CNTNAP2: variants seen among roughly 807,000 people sequenced by gnomAD.
CNTNAP2 encodes the protein contactin associated protein 2, also known as contactin-associated protein-like 2.
In CNTNAP2, 98 loss-of-function variants were observed where a neutral mutation model predicts 155.2. That is an observed-to-expected ratio of 0.63 (90% confidence interval 0.54 to 0.75). The LOEUF (loss-of-function observed/expected upper bound fraction) is 0.75. CNTNAP2 is among the 30% of genes least tolerant of loss of function. CNTNAP2 has a pLI of 0.00. For synonymous variants in CNTNAP2, 651 were observed against 631.2 expected (o/e 1.03, Z -0.47); for missense variants, 1,727 against 1,688.1 (o/e 1.02, Z -0.40).
chr7:147,223,263 A>G (rs141865845), intron 8 of CNTNAP2, among the ~76,000 whole-genome samples: 2 of 152,306 alleles, frequency 1.3e-5, no homozygotes, highest in East Asian at 3.9e-4. Flanking sequence ...AGGACTCTAA[A>G]CATTTCCACC....
intron 8 of CNTNAP2, among the ~76,000 whole-genome samples, chr7:147,258,671 C>T (rs775169838): frequency 2.0e-5 from 3 of 152,146 alleles, no homozygotes; most frequent in Non-Finnish European, 2.9e-5. Flanking sequence ...TGCAAATGAA[C>T]ATCGAGATGA....
chr7:147,912,242 T>C (rs952136278), intron 14 of CNTNAP2, among the ~76,000 whole-genome samples: 9 of 152,158 alleles, frequency 5.9e-5, no homozygotes, highest in Non-Finnish European at 8.8e-5. Flanking sequence ...CACTAGTAAA[T>C]GCTCAAGAAA....
At chr7:147,641,086 A>C (rs1338444101) in intron 13 of CNTNAP2, among the ~76,000 whole-genome samples, 1 of 152,244 alleles carries the variant, frequency 6.6e-6, no homozygotes, top group Non-Finnish European at 1.5e-5. Context: ...CCCAGTTTCT[A>C]ATGGCCGGTA....
intron 3 of CNTNAP2, among the ~76,000 whole-genome samples, chr7:146,909,003 C>A (rs1345354452): frequency 6.7e-6 from 1 of 150,214 alleles, no homozygotes; most frequent in East Asian, 2.0e-4. Flanking sequence ...TACAAACTAC[C>A]ATCAGAGAAT....
At chr7:146,585,740 AAAAG>A (rs1218957829) in intron 1 of CNTNAP2, among the ~76,000 whole-genome samples, 1 of 138,548 alleles carries the variant, frequency 7.2e-6, no homozygotes, top group Non-Finnish European at 1.6e-5. Flanking sequence ...GAAAGAAAGA[AAAAG>A]AAAGAAGGAA....
chr7:148,131,084 CTTCTTTTTTTTTTTTT>C (rs1804822075), intron 16 of CNTNAP2, among the ~76,000 whole-genome samples: 1 of 124,944 alleles, frequency 8.0e-6, no homozygotes, highest in Non-Finnish European at 1.7e-5. Context: ...CTCTTTTCTT[CTTCTTTTTTTTTTTTT>C]TTTTTTTTTT....
chr7:147,056,212 T>A (rs111863142), intron 4 of CNTNAP2, among the ~76,000 whole-genome samples: 2 of 152,194 alleles, frequency 1.3e-5, no homozygotes, highest in Non-Finnish European at 2.9e-5. Context: ...TTCCCTGTTA[T>A]AAAAATTATT....
chr7:146,468,210 C>T (rs1216196889), intron 1 of CNTNAP2, among the ~76,000 whole-genome samples: 4 of 151,900 alleles, frequency 2.6e-5, no homozygotes, highest in African/African-American at 4.8e-5. Flanking sequence ...TGATAAAGAC[C>T]GTGATCCCCC....
chr7:146,151,961 C>T (rs1798059121), intron 1 of CNTNAP2, among the ~76,000 whole-genome samples: 1 of 150,918 alleles, frequency 6.6e-6, no homozygotes. Flanking sequence ...ATGGAGGTTA[C>T]TCAGAAAATT....
intron 8 of CNTNAP2, among the ~76,000 whole-genome samples, chr7:147,249,298 T>C (rs1381125774): frequency 6.6e-6 from 1 of 152,132 alleles, no homozygotes; most frequent in Non-Finnish European, 1.5e-5. Context: ...AGTGTTATTT[T>C]CTCAAGTTCA....
At chr7:147,710,986 T>G (rs1796393293) in intron 13 of CNTNAP2, among the ~76,000 whole-genome samples, 1 of 152,170 alleles carries the variant, frequency 6.6e-6, no homozygotes, top group African/African-American at 2.4e-5. Flanking sequence ...TCGAAGCTGT[T>G]GTAGGGTTCA....
At chr7:147,620,783 G>A (rs948496843) in intron 12 of CNTNAP2, among the ~76,000 whole-genome samples, 3 of 152,012 alleles carry the variant, frequency 2.0e-5, no homozygotes, top group Admixed American at 6.6e-5. Context: ...AAGAGTTATT[G>A]GCCATAAAGA....
intron 11 of CNTNAP2, among the ~76,000 whole-genome samples, chr7:147,511,881 A>G (rs1452531785): frequency 6.6e-6 from 1 of 152,182 alleles, no homozygotes; most frequent in Non-Finnish European, 1.5e-5. Context: ...AAATGCCTTC[A>G]AAGTGCTTTC....
intron 8 of CNTNAP2, among the ~76,000 whole-genome samples, chr7:147,244,069 T>C (rs946474237): frequency 6.6e-5 from 10 of 152,184 alleles, no homozygotes; most frequent in African/African-American, 2.4e-4. Flanking sequence ...ACTTAATAAA[T>C]CTAAATTCTT....
At position 147,655,652 on chromosome 7, in the gene CNTNAP2, A is replaced by C. The variant is rs73472814; in HGVS notation, c.2098+16346A>C. Among the ~76,000 whole-genome samples, 904 of 152,308 alleles carry C rather than the reference A, an allele frequency of 5.9e-3. 8 individuals are homozygous for C. The highest frequency in any genetic ancestry group is 0.021 in the African/African-American group (863 of 41,578). On this transcript the variant is annotated intron_variant, in intron 13 of 23. Transcript: ENST00000361727. ...CTTAAAGTATTCAGTAAACCTGTTA[A>C]AGTTGTAAACAGATGTGCTGTCCTC...
chr7:146,772,660 C>A (rs1802315593), intron 1 of CNTNAP2, among the ~76,000 whole-genome samples: 1 of 151,914 alleles, frequency 6.6e-6, no homozygotes, highest in Non-Finnish European at 1.5e-5. Context: ...CAGAGTGACA[C>A]TCGGTCTCAA....
At chr7:147,499,809 GCAAA>G (rs1358167455) in intron 11 of CNTNAP2, among the ~76,000 whole-genome samples, 1 of 152,132 alleles carries the variant, frequency 6.6e-6, no homozygotes, top group East Asian at 1.9e-4. Flanking sequence ...CATGTTACTT[GCAAA>G]CAGAGACAAG....
At chr7:146,459,421 C>A (rs1191406549) in intron 1 of CNTNAP2, among the ~76,000 whole-genome samples, 1 of 152,130 alleles carries the variant, frequency 6.6e-6, no homozygotes, top group Non-Finnish European at 1.5e-5. Context: ...CCAAAACTTA[C>A]AATTGGAACC....
At chr7:147,024,205 C>T (rs1798861456) in intron 3 of CNTNAP2, among the ~76,000 whole-genome samples, 1 of 152,172 alleles carries the variant, frequency 6.6e-6, no homozygotes, top group African/African-American at 2.4e-5. Context: ...TTCTCAAGCA[C>T]ATTCTGCTAA....
Sources: allele counts gnomAD v4.1 joint callset (sites outside exome capture counted in the v4.1 genomes callset), GRCh38; gene constraint gnomAD v4.1.1; transcripts MANE v1.5; gene names NCBI Gene and HGNC (gene_info 2026-07-23, HGNC 2026-07-21).